Variants in PITPNC1 observed in about 807,000 individuals in gnomAD.
The protein encoded by PITPNC1 is phosphatidylinositol transfer protein cytoplasmic 1, also known as cytoplasmic phosphatidylinositol transfer protein 1.
In PITPNC1, 18 loss-of-function variants were observed where a neutral mutation model predicts 44.7. That is an observed-to-expected ratio of 0.40 (90% CI 0.28 to 0.60). PITPNC1 has a LOEUF of 0.60. PITPNC1 is among the 20% of genes least tolerant of loss of function. PITPNC1 has a pLI of 0.39. For synonymous variants in PITPNC1, 141 were observed against 149.6 expected (o/e 0.94, Z 0.42); for missense variants, 290 against 418.4 (o/e 0.69, Z 2.68).
chr17:67,600,016 G>A (rs1351028167), intron 5 of PITPNC1, among the ~76,000 whole-genome samples: 1 of 152,116 alleles, frequency 6.6e-6, no homozygotes, highest in African/African-American at 2.4e-5. Flanking sequence ...GTCTTTTATG[G>A]CAATAGGACT....
intron 6 of PITPNC1, among the ~76,000 whole-genome samples, chr17:67,634,024 G>A (rs1488581624): frequency 1.3e-5 from 2 of 152,166 alleles, no homozygotes; most frequent in Non-Finnish European, 2.9e-5. Context: ...TCTAGTCAAC[G>A]TGCCTGACTC....
chr17:67,647,474 T>G (rs938395020), intron 6 of PITPNC1, among the ~76,000 whole-genome samples: 11 of 99,132 alleles, frequency 1.1e-4, no homozygotes, highest in Non-Finnish European at 7.5e-5. Context: ...GTTTTTTTTT[T>G]TTTTTTTTTT....
intron 1 of PITPNC1, among the ~76,000 whole-genome samples, chr17:67,430,499 C>T (rs112434786): frequency 1.3e-5 from 2 of 148,456 alleles, no homozygotes; most frequent in African/African-American, 5.0e-5. Flanking sequence ...AAAACAAAAA[C>T]AAAAACAAAC....
intron 1 of PITPNC1, among the ~76,000 whole-genome samples, chr17:67,492,012 T>TTA (rs2039871776): frequency 1.4e-5 from 2 of 147,558 alleles, no homozygotes; most frequent in African/African-American, 5.0e-5. Flanking sequence ...CTTTTTTTTT[T>TTA]AAAAAAAAAA....
chr17:67,444,987 T>G (rs545678861), intron 1 of PITPNC1, among the ~76,000 whole-genome samples: 1 of 142,098 alleles, frequency 7.0e-6, no homozygotes, highest in African/African-American at 2.7e-5. Context: ...CCTAGTGGGG[T>G]ACAGATGTTT....
intron 1 of PITPNC1, among the ~76,000 whole-genome samples, chr17:67,462,448 T>C (rs766802197): frequency 1.9e-4 from 29 of 151,788 alleles, no homozygotes; most frequent in Non-Finnish European, 3.7e-4. Flanking sequence ...GCCAGGCTGG[T>C]TTCAAACTCC....
chr17:67,636,705 G>C (rs1385276774), intron 6 of PITPNC1, among the ~76,000 whole-genome samples: 2 of 152,158 alleles, frequency 1.3e-5, no homozygotes, highest in Non-Finnish European at 2.9e-5. Context: ...ACTGCAGTCT[G>C]AACCCACCCA....
chr17:67,466,699 G>A (rs149890680), intron 1 of PITPNC1, among the ~76,000 whole-genome samples: 258 of 152,278 alleles, frequency 1.7e-3, no homozygotes, highest in Middle Eastern at 0.014. Flanking sequence ...GGAGTCAGAT[G>A]TCTGCACCTT....
intron 5 of PITPNC1, among the ~76,000 whole-genome samples, chr17:67,586,732 C>T (rs1269489079): frequency 2.0e-5 from 3 of 152,182 alleles, no homozygotes; most frequent in Admixed American, 6.5e-5. Flanking sequence ...ACCAGTTTTC[C>T]CAATAATGTA....
chr17:67,425,246 CACACACACACACACACAGAG>C lies in PITPNC1; in HGVS notation c.48+47045_48+47064del, dbSNP rs1319062681. On this transcript the variant is annotated intron_variant, in intron 1 of 8. Coordinates refer to ENST00000581322, the MANE Select transcript of PITPNC1 (RefSeq NM_012417.4). The stretch of plus-strand genomic sequence containing the variant: ...ACACACACACACACACACACACACA[CACACACACACACACACAGAG>C]GGAGAGAGAGAGAGAAATGACCTCT... Among the ~76,000 whole-genome samples the C allele has an allele frequency of 8.3e-4, 97 of 116,914 alleles. 1 individual carries two copies. Among genetic ancestry groups the C allele is most frequent in the African/African-American group, 2.6e-3 (78 of 29,758 alleles). 76.7% of individuals were successfully genotyped at this position (116,914 alleles called of 152,430 possible).
intron 8 of PITPNC1, among the ~76,000 whole-genome samples, chr17:67,688,650 G>C (rs544306135): frequency 2.6e-5 from 4 of 152,168 alleles, no homozygotes; most frequent in South Asian, 4.1e-4. Flanking sequence ...CTTCCCCCTA[G>C]AAGTGCTCTT....
intron 1 of PITPNC1, among the ~76,000 whole-genome samples, chr17:67,437,933 G>A (rs1341243734): frequency 1.3e-5 from 2 of 152,072 alleles, no homozygotes; most frequent in South Asian, 4.1e-4. Context: ...GCTGGGCGTG[G>A]TGGCACACAT....
chr17:67,644,465 C>T (rs1215573227), intron 6 of PITPNC1, among the ~76,000 whole-genome samples: 2 of 132,400 alleles, frequency 1.5e-5, no homozygotes, highest in Non-Finnish European at 1.6e-5. Flanking sequence ...GACAGAGTCT[C>T]ACTCTGTCAC....
chr17:67,457,625 T>C (rs1249836989), intron 1 of PITPNC1: 2 of 152,292 alleles, frequency 1.3e-5, no homozygotes, highest in Non-Finnish European at 2.9e-5. Flanking sequence ...CCTGACCTCA[T>C]GATCCGCCCG....
intron 1 of PITPNC1, among the ~76,000 whole-genome samples, chr17:67,381,519 C>T (rs1291609021): frequency 8.8e-5 from 13 of 146,940 alleles, no homozygotes; most frequent in Admixed American, 7.5e-4. Context: ...CAGGCTGGAG[C>T]GCAGTGGTGC....
chr17:67,612,067 TTA>T (rs372695358), intron 5 of PITPNC1: 8 of 152,346 alleles, frequency 5.3e-5, no homozygotes, highest in African/African-American at 1.9e-4. Context: ...CATTGTTGCT[TTA>T]CTAAAATCTT....
intron 6 of PITPNC1, among the ~76,000 whole-genome samples, chr17:67,645,897 G>T (rs2042143039): frequency 6.6e-6 from 1 of 152,192 alleles, no homozygotes; most frequent in Non-Finnish European, 1.5e-5. Flanking sequence ...GGCCAAGGCG[G>T]GTGGATCACT....
chr17:67,523,807 G>T (rs7223615), intron 1 of PITPNC1, among the ~76,000 whole-genome samples: 93,165 of 125,828 alleles, frequency 0.74, 35,777 homozygotes, highest in Admixed American at 0.76. Flanking sequence ...CATGGAAACC[G>T]TTTTTTTTTT....
intron 1 of PITPNC1, among the ~76,000 whole-genome samples, chr17:67,475,908 C>T (rs1271265667): frequency 6.6e-6 from 1 of 152,146 alleles, no homozygotes; most frequent in Non-Finnish European, 1.5e-5. Context: ...GGGAAGTTAA[C>T]AGAGCAACAG....
Sources: allele counts gnomAD v4.1 joint callset (sites outside exome capture counted in the v4.1 genomes callset), GRCh38; gene constraint gnomAD v4.1.1; transcripts MANE v1.5; gene names NCBI Gene and HGNC (gene_info 2026-07-23, HGNC 2026-07-21).